Variants in SCO1 observed in about 807,000 individuals in gnomAD.
The protein encoded by SCO1 is synthesis of cytochrome C oxidase 1, also known as cytochrome c oxidase assembly factor SCO1.
A neutral mutation model predicts 34.0 loss-of-function variants in SCO1; 23 were observed. The ratio of observed to expected loss-of-function variants is 0.68; its 90% CI spans 0.49 to 0.96. The LOEUF (loss-of-function observed/expected upper bound fraction) is 0.96, where lower values mean the gene tolerates loss of function less well. Among genes scored for constraint, SCO1 ranks in the 40% least tolerant of loss-of-function variants. The probability of loss-of-function intolerance (pLI) is 0.00; values close to 1 mark genes in which losing one functional copy is unlikely to be tolerated. For synonymous variants in SCO1, 161 were observed against 145.5 expected, an observed-to-expected ratio of 1.11 and a Z score of -0.77; for missense variants, 404 against 381.6, an observed-to-expected ratio of 1.06 and a Z score of -0.49.
intron 5 of SCO1, 26 bp downstream of exon 5, chr17:10,686,701 G>C: frequency 7.1e-7 from 1 of 1,400,206 alleles, no homozygotes; most frequent in South Asian, 1.2e-5. Context: ...GCTGGTCCAT[G>C]GGTTAAAACT....
chr17:10,687,019 A>C (rs2074661211), intron 4 of SCO1, among the ~76,000 whole-genome samples, 177 bp from the exon 5 acceptor site: 1 of 152,258 alleles, frequency 6.6e-6, no homozygotes, highest in Non-Finnish European at 1.5e-5. Flanking sequence ...AACAAATGAA[A>C]ATTCTCCTTT....
intron 1 of SCO1, among the ~76,000 whole-genome samples, chr17:10,696,952 A>ATTTTTT (rs57744268): frequency 6.8e-6 from 1 of 146,292 alleles, no homozygotes. Flanking sequence ...CTGAAACTTA[A>ATTTTTT]TTTTTTTTTT....
rs1484499825 is a variant in SCO1, at chr17:10,676,389, C to A, written c.*4730G>T. On this transcript the variant is annotated 3_prime_UTR_variant, in exon 6 of 6. Transcript: ENST00000255390. ...TACAGGCATGAGCCACCGTGCCCAG[C>A]CAACTGTGGTTGTTTTTAAAGGACA... 6.6e-6 allele frequency: 1 copy of A among 152,218 alleles called. No individual in the cohort carries two copies. Among genetic ancestry groups the A allele is most frequent in the Non-Finnish European group, 1.5e-5 (1 of 68,074 alleles). 9.4% of individuals were successfully genotyped at this position (152,218 alleles called of 1,614,324 possible). A position where few individuals can be genotyped will look rare whatever the true frequency, so the allele number is the denominator to read the frequency against.
chr17:10,697,355 C>T lies in SCO1; in HGVS notation c.153G>A (p.Ala51=). ...AGCCAGGGCGCCCCGAGGCACGCCA[C>T]GCCTCCGCTTGCCGCGCGCAGAACT... ...LRQFCARQAE[A]WRASGRPGYC... The change falls in exon 1 of 6, where the codon GCG becomes GCA. Residue 51 remains alanine (A), a synonymous_variant. Transcript: ENST00000255390. The T allele has an allele frequency of 6.3e-7, 1 of 1,588,206 alleles. No homozygotes were observed. The highest frequency in any genetic ancestry group is 8.6e-7 in the Non-Finnish European group (1 of 1,167,330).
chr17:10,691,067 A>G (rs1190463491), intron 4 of SCO1, among the ~76,000 whole-genome samples: 1 of 152,212 alleles, frequency 6.6e-6, no homozygotes, highest in Non-Finnish European at 1.5e-5. Flanking sequence ...TGTACCCCAT[A>G]AATATGTACA....
In SCO1 at chr17:10,691,889, ATGGCTTCTTTTG is replaced by A. The variant is rs748712950; in HGVS notation, c.626_637del (p.Thr209_Ala212del). The A allele has an allele frequency of 9.3e-6, 15 of 1,610,806 alleles. No individual in the cohort carries two copies. In the South Asian group the frequency reaches 1.6e-4, roughly 18 times the overall value. The stretch of plus-strand genomic sequence containing the variant: ...AAAAATACCTTTCACATAATTTGCG[ATGGCTTCTTTTG>A]TGTCCCTCTCTGGGTCAATGCTGAT... On this transcript the variant is annotated inframe_deletion, in exon 4 of 6. Transcript: ENST00000255390.
At chr17:10,682,667 G>T (rs2074630059) in intron 5 of SCO1, among the ~76,000 whole-genome samples, 2 of 152,110 alleles carry the variant, frequency 1.3e-5, no homozygotes, top group Admixed American at 1.3e-4. Context: ...CTTGTCAGAG[G>T]TCACTCCTCA....
chr17:10,684,068 T>G (rs1192244786), intron 5 of SCO1: 1 of 152,206 alleles, frequency 6.6e-6, no homozygotes, highest in Admixed American at 6.5e-5. Flanking sequence ...ATTTAGCAAA[T>G]GTACAGCATG....
chr17:10,683,017 T>C (rs545465922), intron 5 of SCO1, among the ~76,000 whole-genome samples: 9 of 152,358 alleles, frequency 5.9e-5, no homozygotes, highest in Non-Finnish European at 1.0e-4. Flanking sequence ...GTGTGCAAGT[T>C]ACGTTTTAGT....
chr17:10,677,544 T>C lies in SCO1; in HGVS notation c.*3575A>G, dbSNP rs2074589315. On this transcript the variant is annotated 3_prime_UTR_variant, in exon 6 of 6. Transcript: ENST00000255390. ...AATTTAAGAACAATAAAAGCTATTT[T>C]AAAGGATCTTATGCAGACGCATTTA... is the stretch of plus-strand genomic sequence containing the variant. 6.6e-6 allele frequency: 1 copy of C among 152,192 alleles called. No homozygotes were observed. Among genetic ancestry groups the C allele is most frequent in the Admixed American group, 6.5e-5 (1 of 15,286 alleles). 9.4% of individuals were successfully genotyped at this position (152,192 alleles called of 1,614,324 possible).
Position 10,677,532 on chromosome 17 carries a change from T to C in SCO1, c.*3587A>G, listed in dbSNP as rs1159068753. 6.6e-6 allele frequency: 1 copy of C among 152,140 alleles called. No individual in the cohort carries two copies. The highest frequency in any genetic ancestry group is 1.5e-5 in the Non-Finnish European group (1 of 68,008). The allele number at this position is 152,140 out of a possible 1,614,324, so 9.4% of individuals were successfully genotyped here. On this transcript the variant is annotated 3_prime_UTR_variant, in exon 6 of 6. Coordinates refer to ENST00000255390, the MANE Select transcript of SCO1 (RefSeq NM_004589.4). ...CTTTTAAACATAAATTTAAGAACAA[T>C]AAAAGCTATTTTAAAGGATCTTATG... is the stretch of plus-strand genomic sequence containing the variant.
At position 10,691,935 on chromosome 17, in the gene SCO1, G is replaced by T. The variant is rs1265107604; in HGVS notation, c.592C>A (p.Pro198Thr). The change falls in exon 4 of 6, where the codon CCA becomes ACA. Residue 198 changes from proline (P) to threonine (T), a missense_variant. By Grantham distance (38) the Pro-to-Thr change is conservative. Transcript: ENST00000255390. Reference sequence around the variant, plus strand: ...TCTGGGTCAATGCTGATGAAAAGTGGAGTTAGATCTGGCAGAGTTGTAATG... The same window carrying T: ...TCTGGGTCAATGCTGATGAAAAGTGTAGTTAGATCTGGCAGAGTTGTAATG... ...DSITTLPDLT[P>T]LFISIDPERD... The T allele has an allele frequency of 6.2e-7, 1 of 1,613,586 alleles. No individual in the cohort carries two copies. Among genetic ancestry groups the T allele is most frequent in the African/African-American group, 1.3e-5 (1 of 75,018 alleles).
At chr17:10,684,048 C>T (rs1156708245) in intron 5 of SCO1, 3 of 152,184 alleles carry the variant, frequency 2.0e-5, no homozygotes, top group Non-Finnish European at 2.9e-5. Flanking sequence ...ATGTCTCCCC[C>T]TATTGGATGA....
Position 10,697,381 on chromosome 17 carries a change from G to A in SCO1, c.127C>T (p.Gln43Ter). ...GCCTCCGCTTGCCGCGCGCAGAACT[G>A]CCTCAGCAAGACTCTCGCAGTCCCC... ...AEGTARVLLR[Q>*]FCARQAEAWR... The change falls in exon 1 of 6, where the codon CAG (glutamine) becomes TAG (stop). Residue 43 changes from glutamine (Q) to a stop codon, truncating the protein, a stop_gained. Transcript: ENST00000255390. LOFTEE classifies it high-confidence loss of function. 2 of 1,600,690 alleles carry A rather than the reference G, an allele frequency of 1.2e-6. No homozygotes were observed.
At chr17:10,693,064 G>A (rs867338413) in intron 2 of SCO1, 103 bp from the exon 3 acceptor site, 5 of 917,016 alleles carry the variant, frequency 5.5e-6, no homozygotes, top group Middle Eastern at 2.4e-4. Context: ...CATGGTGGGG[G>A]CACAAAATGT....
chr17:10,686,617 A>G (rs2074658076), intron 5 of SCO1, 110 bp downstream of exon 5: 3 of 797,882 alleles, frequency 3.8e-6, no homozygotes, highest in African/African-American at 3.4e-5. Context: ...AGGACTTTGC[A>G]ATAATCTTAG....
chr17:10,696,842 A>G (rs991469714), intron 1 of SCO1, among the ~76,000 whole-genome samples: 1 of 152,188 alleles, frequency 6.6e-6, no homozygotes, highest in East Asian at 1.9e-4. Flanking sequence ...TTCAATTTCA[A>G]CGTATACATG....
intron 4 of SCO1, among the ~76,000 whole-genome samples, chr17:10,691,181 G>A (rs1362198274): frequency 2.0e-5 from 3 of 152,150 alleles, no homozygotes; most frequent in Admixed American, 6.5e-5. Flanking sequence ...GATCAGTGGC[G>A]TGATGTCAGC....
rs369847747 is a variant in SCO1, at chr17:10,691,899, T to G, written c.628A>C (p.Lys210Gln). 1 of 1,612,776 alleles carries G rather than the reference T, an allele frequency of 6.2e-7. No individual in the cohort carries two copies. The highest frequency in any genetic ancestry group is 1.6e-4 in the Middle Eastern group (1 of 6,062). Residue 210 changes from lysine (K) to glutamine (Q), a missense_variant, in exon 4 of 6, where the codon AAA (lysine) becomes CAA (glutamine). Lys to Gln is a moderately conservative substitution (Grantham distance 53). Transcript: ENST00000255390. The part of the protein sequence containing the change: ...FISIDPERDT[K>Q]EAIANYVKEF... ...TTCACATAATTTGCGATGGCTTCTT[T>G]TGTGTCCCTCTCTGGGTCAATGCTG...
Sources: allele counts gnomAD v4.1 joint callset (sites outside exome capture counted in the v4.1 genomes callset), GRCh38; gene constraint gnomAD v4.1.1; transcripts MANE v1.5; gene names NCBI Gene and HGNC (gene_info 2026-07-23, HGNC 2026-07-21).